The following LRBA variants were observed in gnomAD, a reference collection of about 807,000 sequenced individuals.
LRBA encodes lipopolysaccharide-responsive and beige-like anchor protein.
Under a neutral mutation model 330.0 loss-of-function variants are expected in LRBA, and 176 were observed. The observed-to-expected ratio is 0.53, with a 90% CI of 0.47 to 0.60. The LOEUF is 0.60. Ranked by LOEUF, LRBA falls within the 20% of genes least tolerant of loss-of-function variation. The probability of loss-of-function intolerance (pLI) is 0.00; values close to 1 mark genes in which losing one functional copy is unlikely to be tolerated. For missense variants in LRBA, 3,259 were observed against 3,444.8 expected, an observed-to-expected ratio of 0.95 and a Z score of 1.35; for synonymous variants, 1,230 against 1,193.0, an observed-to-expected ratio of 1.03 and a Z score of -0.64.
chr4:150,621,105 G>T (rs1407173903), intron 37 of LRBA, among the ~76,000 whole-genome samples: 1 of 145,362 alleles, frequency 6.9e-6, no homozygotes. Flanking sequence ...AAAAAAAAAT[G>T]CAATAAAATA....
intron 36 of LRBA, among the ~76,000 whole-genome samples, chr4:150,689,906 C>T (rs1783964285): frequency 6.6e-6 from 1 of 150,536 alleles, no homozygotes; most frequent in African/African-American, 2.4e-5. Context: ...GCCTGGGTGA[C>T]AGAGCCAAAA....
intron 47 of LRBA, among the ~76,000 whole-genome samples, chr4:150,383,973 T>G (rs895534805): frequency 6.6e-6 from 1 of 152,134 alleles, no homozygotes; most frequent in Non-Finnish European, 1.5e-5. Context: ...TATTATAATA[T>G]TCTATTGTTT....
chr4:150,917,003 A>G (rs1012811228), intron 5 of LRBA, among the ~76,000 whole-genome samples: 2 of 151,964 alleles, frequency 1.3e-5, no homozygotes, highest in East Asian at 3.9e-4. Flanking sequence ...AATACAAAAA[A>G]TTAGCCGGGT....
chr4:150,943,179 T>C (rs1315917327), intron 2 of LRBA, among the ~76,000 whole-genome samples: 4 of 152,210 alleles, frequency 2.6e-5, no homozygotes, highest in Admixed American at 6.5e-5. Flanking sequence ...GTTTATATGA[T>C]AGAATTACCA....
chr4:150,523,913 C>T (rs1763188113), intron 40 of LRBA, among the ~76,000 whole-genome samples: 1 of 151,850 alleles, frequency 6.6e-6, no homozygotes, highest in African/African-American at 2.4e-5. Context: ...TGATGTTTCT[C>T]CTGGATTAGA....
intron 53 of LRBA, among the ~76,000 whole-genome samples, chr4:150,300,541 C>T (rs1729536024): frequency 6.6e-6 from 1 of 151,980 alleles, no homozygotes; most frequent in South Asian, 2.1e-4. Flanking sequence ...AACACCTTAA[C>T]TCAGTTCTGT....
chr4:150,662,308 C>T (rs988092761), intron 37 of LRBA, among the ~76,000 whole-genome samples: 1 of 152,146 alleles, frequency 6.6e-6, no homozygotes, highest in African/African-American at 2.4e-5. Flanking sequence ...CAGAGGATGA[C>T]AGGTATTTCG....
chr4:150,741,083 G>C (rs530866970), intron 35 of LRBA, among the ~76,000 whole-genome samples: 1 of 152,032 alleles, frequency 6.6e-6, no homozygotes, highest in Non-Finnish European at 1.5e-5. Context: ...TTACATAAGA[G>C]AGCATCTTCC....
intron 53 of LRBA, among the ~76,000 whole-genome samples, chr4:150,296,141 A>G (rs1728947677): frequency 6.6e-6 from 1 of 152,210 alleles, no homozygotes; most frequent in African/African-American, 2.4e-5. Flanking sequence ...AAATTATTTA[A>G]AATTCTTTAT....
At position 150,967,595 on chromosome 4, in the gene LRBA, C is replaced by T. The variant is rs1421851741; in HGVS notation, c.217-38530G>A. Among the ~76,000 whole-genome samples the T allele has an allele frequency of 2.0e-5, 3 of 152,272 alleles. No individual in the cohort carries two copies. The East Asian group carries it at 5.8e-4, about 29-fold the overall frequency. The stretch of plus-strand genomic sequence containing the variant: ...TTCATGTTATTGTTCTTTGCAGATA[C>T]AGCATTTTTTACAAATTGAAGGTTT... On this transcript the variant is annotated intron_variant, in intron 2 of 56. Transcript: ENST00000651943.
At chr4:150,527,109 T>C in intron 40 of LRBA, among the ~76,000 whole-genome samples, 1 of 152,100 alleles carries the variant, frequency 6.6e-6, no homozygotes, top group East Asian at 1.9e-4. Context: ...ATTTAATTTG[T>C]TTTTGTATCC....
chr4:150,937,464 C>T (rs1579258917), intron 2 of LRBA, among the ~76,000 whole-genome samples: 2 of 152,078 alleles, frequency 1.3e-5, no homozygotes, highest in African/African-American at 4.8e-5. Context: ...GCCTAATGCA[C>T]TTTACTAGCC....
At chr4:150,838,118 C>T (rs1402993530) in intron 28 of LRBA, among the ~76,000 whole-genome samples, 1 of 152,076 alleles carries the variant, frequency 6.6e-6, no homozygotes, top group East Asian at 1.9e-4. Context: ...GAATATTGGC[C>T]CCCACTCTCT....
At chr4:150,502,369 T>G (rs1760394836) in intron 40 of LRBA, among the ~76,000 whole-genome samples, 1 of 152,180 alleles carries the variant, frequency 6.6e-6, no homozygotes, top group Non-Finnish European at 1.5e-5. Context: ...GTAACTTAAC[T>G]GTATCCCAGA....
intron 36 of LRBA, among the ~76,000 whole-genome samples, chr4:150,690,854 G>A (rs944533119): frequency 1.3e-5 from 2 of 149,844 alleles, no homozygotes; most frequent in South Asian, 4.2e-4. Context: ...CAGCATAACA[G>A]AAAGCATAGA....
At chr4:150,877,197 G>C (rs1754138748) in intron 17 of LRBA, among the ~76,000 whole-genome samples, 1 of 150,942 alleles carries the variant, frequency 6.6e-6, no homozygotes, top group Middle Eastern at 3.2e-3. Flanking sequence ...GGCAGAGCTT[G>C]CAGTGAGCAG....
At chr4:150,964,062 C>A (rs1738562752) in intron 2 of LRBA, among the ~76,000 whole-genome samples, 1 of 147,818 alleles carries the variant, frequency 6.8e-6, no homozygotes, top group Non-Finnish European at 1.5e-5. Flanking sequence ...CCCCTCCGCC[C>A]GGCAGCCTCC....
Position 150,735,347 on chromosome 4 carries a change from T to C in LRBA, c.5665A>G (p.Lys1889Glu). Residue 1889 changes from lysine (K) to glutamate (E), a missense_variant, in exon 36 of 57, where the codon AAG becomes GAG. Transcript: ENST00000651943. ...NEGRLLSQTM[K>E]DHLVRVANEA... is the part of the protein sequence containing the mutation. ...TTTGCTACTCTTACTAGATGATCCTTCATTGTCTGGCTAAGCAACCTGTAA... is the reference window on the plus strand; with the variant it reads ...TTTGCTACTCTTACTAGATGATCCTCCATTGTCTGGCTAAGCAACCTGTAA... The C allele has an allele frequency of 6.2e-7, 1 of 1,613,056 alleles. No homozygotes were observed. The highest frequency in any genetic ancestry group is 8.5e-7 in the Non-Finnish European group (1 of 1,179,162).
intron 40 of LRBA, among the ~76,000 whole-genome samples, chr4:150,558,315 T>C (rs12649589): frequency 0.45 from 68,527 of 151,946 alleles, 16,025 homozygotes; most frequent in Admixed American, 0.52. Context: ...ACTCCTTCTA[T>C]AAGGGAGATT....
Sources: allele counts gnomAD v4.1 joint callset (sites outside exome capture counted in the v4.1 genomes callset), GRCh38; gene constraint gnomAD v4.1.1; transcripts MANE v1.5; gene names NCBI Gene and HGNC (gene_info 2026-07-23, HGNC 2026-07-21).